Variants in FHOD3 observed in about 807,000 individuals in gnomAD.
The protein encoded by FHOD3 is FH1/FH2 domain-containing protein 3.
Under a neutral mutation model 173.0 loss-of-function variants are expected in FHOD3, and 90 were observed. That is an observed-to-expected ratio of 0.52 (90% CI 0.44 to 0.62). The LOEUF is 0.62. Ranked by LOEUF, FHOD3 falls within the 20% of genes least tolerant of loss-of-function variation. The pLI is 0.00. For synonymous variants in FHOD3, 828 were observed against 823.0 expected, an observed-to-expected ratio of 1.01 and a Z score of -0.10; for missense variants, 1,945 against 2,034.7, an observed-to-expected ratio of 0.96 and a Z score of 0.85.
At chr18:36,302,009 C>T (rs1052550988) in intron 1 of FHOD3, among the ~76,000 whole-genome samples, 2 of 152,148 alleles carry the variant, frequency 1.3e-5, no homozygotes, top group Admixed American at 6.5e-5. Flanking sequence ...CATGGCCATT[C>T]GAGGGCCAAG....
chr18:36,614,136 C>G (rs1219515194), intron 9 of FHOD3, among the ~76,000 whole-genome samples: 1 of 152,126 alleles, frequency 6.6e-6, no homozygotes, highest in East Asian at 1.9e-4. Flanking sequence ...CAAAAGAAAC[C>G]CCCACACCCA....
intron 2 of FHOD3, among the ~76,000 whole-genome samples, chr18:36,370,991 A>C (rs542242052): frequency 6.6e-6 from 1 of 152,322 alleles, no homozygotes; most frequent in South Asian, 2.1e-4. Flanking sequence ...TTTGAGAGTG[A>C]GAGTTTTTTG....
chr18:36,477,482 CCCACCCATCCAT>C (rs2053633548), intron 3 of FHOD3, among the ~76,000 whole-genome samples: 2 of 147,506 alleles, frequency 1.4e-5, no homozygotes, highest in African/African-American at 2.6e-5. Flanking sequence ...AATCCACTCA[CCCACCCATCCAT>C]CCATCCATCC....
At chr18:36,454,058 A>G (rs2144442428) in intron 3 of FHOD3, among the ~76,000 whole-genome samples, 1 of 152,266 alleles carries the variant, frequency 6.6e-6, no homozygotes, top group South Asian at 2.1e-4. Flanking sequence ...TCCCCACCAC[A>G]TTTTAAAATC....
intron 21 of FHOD3, among the ~76,000 whole-genome samples, chr18:36,741,926 G>A (rs545488333): frequency 6.6e-6 from 1 of 152,018 alleles, no homozygotes; most frequent in Non-Finnish European, 1.5e-5. Context: ...CAAGCAGAGA[G>A]GAAGACACCT....
chr18:36,459,625 C>T (rs1341536822), intron 3 of FHOD3, among the ~76,000 whole-genome samples: 1 of 151,906 alleles, frequency 6.6e-6, no homozygotes, highest in African/African-American at 2.4e-5. Flanking sequence ...GTCAAATGGT[C>T]GTGGTATTAG....
intron 6 of FHOD3, among the ~76,000 whole-genome samples, chr18:36,593,725 G>T (rs1185523541): frequency 2.0e-5 from 3 of 152,166 alleles, no homozygotes; most frequent in Non-Finnish European, 4.4e-5. Context: ...CCTGGTCACT[G>T]ACTGATTTAT....
chr18:36,472,148 C>T (rs1370208710), intron 3 of FHOD3, among the ~76,000 whole-genome samples: 2 of 152,166 alleles, frequency 1.3e-5, no homozygotes, highest in Non-Finnish European at 2.9e-5. Flanking sequence ...ATATAAGTTA[C>T]TTGGCCTACA....
At chr18:36,298,023 G>A in intron 1 of FHOD3, 23 bp downstream of exon 1, 2 of 1,499,700 alleles carry the variant, frequency 1.3e-6, no homozygotes, top group East Asian at 2.8e-5. Context: ...GGGGTGGGCT[G>A]GGCCCCCTGG....
At chr18:36,421,232 A>C (rs991869305) in intron 3 of FHOD3, among the ~76,000 whole-genome samples, 3 of 152,256 alleles carry the variant, frequency 2.0e-5, no homozygotes, top group African/African-American at 7.2e-5. Flanking sequence ...AGCTTGCCAC[A>C]ATGATAGTCA....
intron 5 of FHOD3, among the ~76,000 whole-genome samples, chr18:36,565,314 C>A (rs2058225434): frequency 6.6e-6 from 1 of 152,132 alleles, no homozygotes; most frequent in Non-Finnish European, 1.5e-5. Flanking sequence ...TGAATTAGCC[C>A]TTCCCAGAAG....
intron 3 of FHOD3, among the ~76,000 whole-genome samples, chr18:36,381,980 G>A (rs2047814330): frequency 1.3e-5 from 2 of 152,200 alleles, no homozygotes; most frequent in African/African-American, 4.8e-5. Context: ...GGTGTTATGT[G>A]ACCCTGGAAT....
At chr18:36,675,043 C>T (rs2037759896) in intron 14 of FHOD3, among the ~76,000 whole-genome samples, 2 of 152,154 alleles carry the variant, frequency 1.3e-5, no homozygotes, top group East Asian at 1.9e-4. Context: ...GCCCTTTGAG[C>T]TCAGTGTCTT....
intron 14 of FHOD3, among the ~76,000 whole-genome samples, chr18:36,658,424 T>C (rs2036565854): frequency 6.6e-6 from 1 of 152,248 alleles, no homozygotes; most frequent in South Asian, 2.1e-4. Flanking sequence ...ACACTTTCCA[T>C]AGAAAGTATA....
intron 1 of FHOD3, among the ~76,000 whole-genome samples, chr18:36,343,145 C>A (rs1033909737): frequency 6.6e-6 from 1 of 152,196 alleles, no homozygotes; most frequent in Non-Finnish European, 1.5e-5. Context: ...AGCAATTCTA[C>A]TCCTAGGTAT....
chr18:36,609,262 A>G (rs192191126), intron 8 of FHOD3, among the ~76,000 whole-genome samples: 45 of 152,268 alleles, frequency 3.0e-4, no homozygotes, highest in African/African-American at 1.1e-3. Flanking sequence ...TCAGAGGTGG[A>G]CAACTTAGCA....
intron 6 of FHOD3, among the ~76,000 whole-genome samples, chr18:36,577,050 GC>G (rs1281141609): frequency 2.0e-5 from 3 of 151,352 alleles, no homozygotes; most frequent in Non-Finnish European, 2.9e-5. Context: ...CTGAGATCAT[GC>G]CACTGCACTC....
chr18:36,739,897 G>A lies in FHOD3; in HGVS notation c.3577-759G>A, dbSNP rs151328585. 3.1e-3 allele frequency among the ~76,000 whole-genome samples: 469 copies of A among 152,246 alleles called. 3 individuals carry two copies. Among genetic ancestry groups the A allele is most frequent in the African/African-American group, 0.011 (450 of 41,542 alleles). On this transcript the variant is annotated intron_variant, in intron 20 of 28. Transcript: ENST00000590592. The stretch of plus-strand genomic sequence containing the variant: ...TTATGCAGACAATTATGACATCTGT[G>A]TGTATGAGCAGGTTTTTCCTTTCCA...
At chr18:36,687,556 C>T (rs890689896) in intron 16 of FHOD3, among the ~76,000 whole-genome samples, 3 of 152,186 alleles carry the variant, frequency 2.0e-5, no homozygotes, top group African/African-American at 7.2e-5. Context: ...CTGTGCCAGG[C>T]AGCAGCTGGG....
Sources: allele counts gnomAD v4.1 joint callset (sites outside exome capture counted in the v4.1 genomes callset), GRCh38; gene constraint gnomAD v4.1.1; transcripts MANE v1.5; gene names NCBI Gene and HGNC (gene_info 2026-07-23, HGNC 2026-07-21).